ADAMTS6: variants seen among roughly 807,000 people sequenced by gnomAD.
ADAMTS6 encodes the protein A disintegrin and metalloproteinase with thrombospondin motifs 6.
In ADAMTS6, 23 loss-of-function variants were observed where a neutral mutation model predicts 144.3. That is an observed-to-expected ratio of 0.16 (90% CI 0.11 to 0.23). ADAMTS6 has a LOEUF of 0.23. Ranked by LOEUF, ADAMTS6 falls within the 10% of genes least tolerant of loss-of-function variation. The probability of loss-of-function intolerance (pLI) is 1.00; values close to 1 mark genes in which losing one functional copy is unlikely to be tolerated. For missense variants in ADAMTS6, 999 were observed against 1,379.6 expected (o/e 0.72, Z 4.37); for synonymous variants, 444 against 457.5 (o/e 0.97, Z 0.38).
At chr5:65,211,652 G>A (rs1210827461) in intron 20 of ADAMTS6, among the ~76,000 whole-genome samples, 4 of 151,830 alleles carry the variant, frequency 2.6e-5, no homozygotes, top group Non-Finnish European at 5.9e-5. Context: ...AAAAAACAAA[G>A]TAAAAAAGAG....
At chr5:65,161,444 C>G (rs985046805) in intron 24 of ADAMTS6, among the ~76,000 whole-genome samples, 1 of 152,210 alleles carries the variant, frequency 6.6e-6, no homozygotes, top group Admixed American at 6.5e-5. Flanking sequence ...AAGGTACACA[C>G]TGGGTTTTTC....
In ADAMTS6 at chr5:65,255,070, T is replaced by C. The variant is rs191278449; in HGVS notation, c.1830+5530A>G. ...CTGTGGCGTACCCACTATCCATTAC[T>C]CTCTGCTTTCTTGCTAATAGAAGTT... On this transcript the variant is annotated intron_variant, in intron 14 of 24. Transcript: ENST00000381055. Among the ~76,000 whole-genome samples the C allele has an allele frequency of 2.7e-3, 406 of 152,296 alleles. 1 individual carries two copies. The highest frequency in any genetic ancestry group is 3.3e-3 in the Non-Finnish European group (226 of 68,022).
Position 65,170,734 on chromosome 5 carries a change from C to G in ADAMTS6, c.3127G>C (p.Val1043Leu). Residue 1043 changes from valine (V) to leucine (L), a missense_variant, in exon 24 of 25, where the codon GTG (valine) becomes CTG (leucine). Val to Leu is a conservative substitution (Grantham distance 32). Around this residue, in one of 3 missense-constraint regions of ADAMTS6, gnomAD observed 619 missense variants for 837.0 expected, o/e 0.74. Transcript: ENST00000381055. ...TGTCCGGTGTAGGAGAGACACTGCA[C>G]AGTTCTCATCTGCTGTCCAAGGCCA... is the stretch of plus-strand genomic sequence containing the variant. ...QCGLGQQMRT[V>L]QCLSYTGQAS... 2.5e-6 allele frequency: 4 copies of G among 1,614,178 alleles called. No individual in the cohort carries two copies. Among genetic ancestry groups the G allele is most frequent in the Non-Finnish European group, 3.4e-6 (4 of 1,180,028 alleles).
chr5:65,256,316 G>C (rs1760657643), intron 14 of ADAMTS6: 1 of 152,152 alleles, frequency 6.6e-6, no homozygotes, highest in Admixed American at 6.5e-5. Flanking sequence ...ATTAGACAGT[G>C]CTAGTGTAGA....
intron 1 of ADAMTS6, among the ~76,000 whole-genome samples, chr5:65,474,751 A>T (rs144450455): frequency 3.1e-4 from 47 of 151,536 alleles, no homozygotes; most frequent in African/African-American, 1.1e-3. Context: ...AGAAGAAGAA[A>T]ATAACTAAGA....
At chr5:65,231,210 A>G (rs1017369651) in intron 15 of ADAMTS6, among the ~76,000 whole-genome samples, 2 of 151,946 alleles carry the variant, frequency 1.3e-5, no homozygotes, top group Non-Finnish European at 2.9e-5. Flanking sequence ...ATGGAAACAG[A>G]AACCAAAAGA....
intron 4 of ADAMTS6, among the ~76,000 whole-genome samples, 153 bp downstream of exon 4, chr5:65,460,017 C>T (rs916508309): frequency 1.3e-5 from 2 of 152,168 alleles, no homozygotes; most frequent in African/African-American, 4.8e-5. Context: ...TTTAAAACTA[C>T]TGGTAGGTGA....
intron 3 of ADAMTS6, among the ~76,000 whole-genome samples, chr5:65,462,730 A>G (rs891952390): frequency 2.0e-5 from 3 of 152,208 alleles, no homozygotes; most frequent in Non-Finnish European, 4.4e-5. Context: ...TAGGGATACA[A>G]CAGTGAACCA....
rs562015852 is a variant in ADAMTS6 at position 65,367,687 on chromosome 5, C to T, written c.1074-33602G>A. On this transcript the variant is annotated intron_variant, in intron 7 of 24. Coordinates refer to ENST00000381055, the MANE Select transcript of ADAMTS6 (RefSeq NM_197941.4). Reference sequence around the variant, plus strand: ...CTGGTTGAGGCCTTTCTTCTGACTGCGTCACGATCCAACTTCTCCTTTTGT... The same window carrying T: ...CTGGTTGAGGCCTTTCTTCTGACTGTGTCACGATCCAACTTCTCCTTTTGT... Among the ~76,000 whole-genome samples the T allele has an allele frequency of 5.3e-5, 8 of 152,172 alleles. No individual in the cohort carries two copies. The East Asian group carries it at 1.4e-3, about 26-fold the overall frequency.
chr5:65,332,521 G>A (rs1236827785), intron 8 of ADAMTS6, among the ~76,000 whole-genome samples: 1 of 151,766 alleles, frequency 6.6e-6, no homozygotes, highest in Non-Finnish European at 1.5e-5. Flanking sequence ...AATATGGGGG[G>A]TAAGTTTAAA....
intron 20 of ADAMTS6, among the ~76,000 whole-genome samples, chr5:65,206,812 G>GTT (rs531539313): frequency 0.021 from 2,974 of 141,574 alleles, 50 homozygotes; most frequent in Middle Eastern, 0.036. Context: ...TTTATATGCT[G>GTT]TTTTTTTTCT....
chr5:65,421,902 C>A (rs1023527984), intron 7 of ADAMTS6, among the ~76,000 whole-genome samples: 2 of 152,050 alleles, frequency 1.3e-5, no homozygotes, highest in Admixed American at 1.3e-4. Flanking sequence ...TTGGCCTAGG[C>A]AAATAATTTA....
intron 7 of ADAMTS6, among the ~76,000 whole-genome samples, chr5:65,383,510 T>G (rs114780983): frequency 6.6e-6 from 1 of 152,200 alleles, no homozygotes; most frequent in African/African-American, 2.4e-5. Flanking sequence ...TAGAGAATAA[T>G]TGACTCCATG....
intron 15 of ADAMTS6, among the ~76,000 whole-genome samples, chr5:65,234,676 G>A (rs1425332443): frequency 3.3e-5 from 5 of 152,070 alleles, no homozygotes; most frequent in Admixed American, 3.3e-4. Flanking sequence ...AACTGGCAGT[G>A]CCATTATGGA....
At chr5:65,374,594 T>C (rs1751321084) in intron 7 of ADAMTS6, among the ~76,000 whole-genome samples, 1 of 151,886 alleles carries the variant, frequency 6.6e-6, no homozygotes, top group Non-Finnish European at 1.5e-5. Flanking sequence ...AAACCACTGC[T>C]CAAGGAAATA....
intron 20 of ADAMTS6, chr5:65,209,917 C>A (rs7708553): frequency 0.14 from 21,980 of 152,974 alleles, 1,672 homozygotes; most frequent in Non-Finnish European, 0.17. Context: ...TGTCAAGTGG[C>A]AGACAATAAA....
At chr5:65,343,398 C>A (rs186245654) in intron 7 of ADAMTS6, among the ~76,000 whole-genome samples, 8 of 152,036 alleles carry the variant, frequency 5.3e-5, no homozygotes, top group Non-Finnish European at 1.0e-4. Flanking sequence ...CACGTATATA[C>A]GGCCAATTGA....
chr5:65,279,147 G>A (rs1040354578), intron 11 of ADAMTS6, among the ~76,000 whole-genome samples: 1 of 152,116 alleles, frequency 6.6e-6, no homozygotes, highest in South Asian at 2.1e-4. Context: ...GTTTCACCAT[G>A]TTGCTCAAGC....
intron 7 of ADAMTS6, among the ~76,000 whole-genome samples, chr5:65,370,051 T>C (rs928283188): frequency 5.9e-5 from 9 of 152,276 alleles, no homozygotes; most frequent in South Asian, 2.1e-4. Flanking sequence ...CAGTATATAC[T>C]CTTCTGGGAA....
Sources: gnomAD v4.1 joint callset for allele counts (sites outside exome capture counted in the v4.1 genomes callset) on GRCh38, gnomAD v4.1.1 for gene constraint, gnomAD v4.1.1 regional missense constraint, MANE v1.5 for transcripts, NCBI Gene and HGNC (gene_info 2026-07-23, HGNC 2026-07-21) for gene names.